Variants in OVCH1 observed in about 807,000 individuals in gnomAD.
The protein encoded by OVCH1 is ovochymase 1, also known as ovochymase-1.
OVCH1 carries 139 observed loss-of-function variants against 138.4 expected under a neutral mutation model. That is an observed-to-expected ratio of 1.00 (90% CI 0.87 to 1.16). OVCH1 has a LOEUF of 1.16. Among genes scored for constraint, OVCH1 ranks in the 50% most tolerant of loss-of-function variants. The probability of loss-of-function intolerance (pLI) is 0.00; values close to 1 mark genes in which losing one functional copy is unlikely to be tolerated. For synonymous variants in OVCH1, 453 were observed against 467.8 expected (o/e 0.97, Z 0.41); for missense variants, 1,367 against 1,357.9 (o/e 1.01, Z -0.11).
exon 26 of OVCH1, chr12:29,439,356 T>C (rs1399443766): frequency 6.3e-7 from 1 of 1,581,262 alleles, no homozygotes; most frequent in Non-Finnish European, 8.6e-7. Flanking sequence ...ATGCATGATA[T>C]ATGTGTTAAT....
In OVCH1 at chr12:29,438,803, C is replaced by T. The variant is rs548148910; in HGVS notation, c.3264+525G>A. On this transcript the variant is annotated intron_variant, in intron 26 of 27. Coordinates refer to ENST00000318184, the Ensembl canonical transcript of OVCH1. ...ATTTGTATCTATTTTTTCTCATTTACAGTAGAAAATCTTAATATATAATAC... is the reference window on the plus strand; with the variant it reads ...ATTTGTATCTATTTTTTCTCATTTATAGTAGAAAATCTTAATATATAATAC... Among the ~76,000 whole-genome samples, 31 of 152,180 alleles carry T rather than the reference C, an allele frequency of 2.0e-4. No individual in the cohort carries two copies. In the South Asian group the frequency reaches 5.0e-3, roughly 24 times the overall value.
At chr12:29,480,665 T>C (rs545775378) in intron 8 of OVCH1, among the ~76,000 whole-genome samples, 2 of 152,262 alleles carry the variant, frequency 1.3e-5, no homozygotes, top group Non-Finnish European at 2.9e-5. Flanking sequence ...CTCATGGATA[T>C]GAAAGGAAGG....
At chr12:29,455,436 A>C (rs1941920983) in intron 19 of OVCH1, 31 bp from the exon 20 acceptor site, 2 of 1,574,278 alleles carry the variant, frequency 1.3e-6, no homozygotes, top group Non-Finnish European at 1.7e-6. Context: ...GTTTTAGAAA[A>C]CTGCTTTAAT....
At chr12:29,477,076 G>A (rs1477618430) in intron 12 of OVCH1, 26 bp downstream of exon 12, 4 of 1,566,566 alleles carry the variant, frequency 2.6e-6, no homozygotes, top group Non-Finnish European at 2.6e-6. Flanking sequence ...TTCTTTATGA[G>A]GTAGAGCGAT....
In OVCH1 at chr12:29,464,707, A is replaced by G; in HGVS notation, c.1930-5T>C. On this transcript the variant is annotated splice_polypyrimidine_tract_variant and splice_region_variant and intron_variant, in intron 17 of 27. Transcript: ENST00000318184. Reference sequence around the variant, plus strand: ...TATGTGTTTGGCCCTTCTCACCTGTATCGGTGGCAAGTAAGCAAATTACAA... The same window carrying G: ...TATGTGTTTGGCCCTTCTCACCTGTGTCGGTGGCAAGTAAGCAAATTACAA... The G allele has an allele frequency of 3.7e-6, 6 of 1,603,654 alleles. No individual in the cohort carries two copies. Among genetic ancestry groups the G allele is most frequent in the Non-Finnish European group, 5.1e-6 (6 of 1,174,870 alleles).
At position 29,444,251 on chromosome 12, in the gene OVCH1, A is replaced by C. The variant is rs780365079; in HGVS notation, c.2911T>G (p.Ser971Ala). The change falls in exon 24 of 28, where the codon TCC (serine) becomes GCC (alanine). Residue 971 changes from serine to alanine, a missense_variant. Ser to Ala is a moderately conservative substitution (Grantham distance 99). Transcript: ENST00000318184. ...AAGTGCTCTCTGTTTGAACTTTGGG[A>C]AAGTCTGGTTATTTTACTGTCCTTT... 6.2e-7 allele frequency: 1 copy of C among 1,611,290 alleles called. No individual in the cohort carries two copies. The highest frequency in any genetic ancestry group is 2.2e-5 in the East Asian group (1 of 44,826).
intron 18 of OVCH1, 41 bp from the exon 19 acceptor site, chr12:29,462,049 A>C (rs1942155372): frequency 6.3e-7 from 1 of 1,588,462 alleles, no homozygotes; most frequent in East Asian, 2.2e-5. Flanking sequence ...TGATGAAGTA[A>C]GCAGAAAGTG....
downstream of OVCH1, among the ~76,000 whole-genome samples, chr12:29,411,391 G>A (rs1592018621): frequency 6.6e-6 from 1 of 151,670 alleles, no homozygotes; most frequent in Middle Eastern, 3.4e-3. Context: ...GCTTTTTAGA[G>A]TTTCCAGTTT....
At chr12:29,463,076 C>A (rs1396652332) in intron 18 of OVCH1, among the ~76,000 whole-genome samples, 1 of 152,140 alleles carries the variant, frequency 6.6e-6, no homozygotes, top group Non-Finnish European at 1.5e-5. Flanking sequence ...GGCTTTGAAG[C>A]TGGTAAGCCA....
intron 27 of OVCH1, among the ~76,000 whole-genome samples, chr12:29,432,817 G>A (rs1219192651): frequency 1.3e-5 from 2 of 152,106 alleles, no homozygotes; most frequent in African/African-American, 4.8e-5. Flanking sequence ...GGAGACCAGT[G>A]AGCTCTCCTT....
intron 16 of OVCH1, among the ~76,000 whole-genome samples, chr12:29,470,531 C>T (rs1388587883): frequency 6.6e-6 from 1 of 152,154 alleles, no homozygotes; most frequent in Non-Finnish European, 1.5e-5. Flanking sequence ...ATCCATGTCC[C>T]TGCAAAGGAG....
intron 3 of OVCH1, among the ~76,000 whole-genome samples, 156 bp from the exon 4 acceptor site, chr12:29,495,613 A>AT (rs373682686): frequency 1.1e-3 from 160 of 151,954 alleles, no homozygotes; most frequent in African/African-American, 3.5e-3. Flanking sequence ...CAATGGTCAT[A>AT]TTTTTTTTAA....
At chr12:29,491,245 A>G in intron 4 of OVCH1, 53 bp from the exon 5 acceptor site, 2 of 1,401,904 alleles carry the variant, frequency 1.4e-6, no homozygotes, top group East Asian at 2.3e-5. Flanking sequence ...CATGTTGAAT[A>G]TATTTGGAAA....
In OVCH1 at chr12:29,451,238, A is replaced by G. The variant is rs1286787887; in HGVS notation, c.2755+107T>C. 6.5e-6 allele frequency: 5 copies of G among 773,686 alleles called. No individual in the cohort carries two copies. The East Asian group carries it at 8.2e-5, about 13-fold the overall frequency. The allele number at this position is 773,686 out of a possible 1,614,324, so 47.9% of individuals were successfully genotyped here. A position where few individuals can be genotyped will look rare whatever the true frequency, so the allele number is the denominator to read the frequency against. ...GGGAAAAAGCATTCCTATTACATGG[A>G]TCAACATTTTGGTAACATTATTACC... On this transcript the variant is annotated intron_variant, in intron 22 of 27. Transcript: ENST00000318184.
At chr12:29,480,379 C>G (rs959643823) in intron 8 of OVCH1, among the ~76,000 whole-genome samples, 5 of 152,144 alleles carry the variant, frequency 3.3e-5, no homozygotes, top group Admixed American at 3.3e-4. Context: ...GTAGTTTAGG[C>G]TTTATGACTT....
chr12:29,407,779 T>C (rs1364012298), downstream of OVCH1, among the ~76,000 whole-genome samples: 2 of 151,540 alleles, frequency 1.3e-5, no homozygotes, highest in African/African-American at 4.8e-5. Flanking sequence ...AGGATTGACT[T>C]GGCTATGCGG....
At chr12:29,474,887 C>A (rs1307481490) in intron 14 of OVCH1, among the ~76,000 whole-genome samples, 174 bp downstream of exon 14, 1 of 152,128 alleles carries the variant, frequency 6.6e-6, no homozygotes, top group Non-Finnish European at 1.5e-5. Flanking sequence ...GATTCCTGGG[C>A]CCCATCCCAG....
At chr12:29,419,603 T>C (rs1941076556) in intron 3 of OVCH1, among the ~76,000 whole-genome samples, 1 of 152,042 alleles carries the variant, frequency 6.6e-6, no homozygotes, top group Admixed American at 6.6e-5. Flanking sequence ...CAACGAAATA[T>C]GATTTTTAAG....
chr12:29,454,487 G>A (rs1038535572), intron 21 of OVCH1, among the ~76,000 whole-genome samples: 6 of 152,120 alleles, frequency 3.9e-5, no homozygotes, highest in Non-Finnish European at 5.9e-5. Flanking sequence ...TAATGCTGGC[G>A]CTAGTCTTGG....
Sources: gnomAD v4.1 joint callset for allele counts (sites outside exome capture counted in the v4.1 genomes callset) on GRCh38, gnomAD v4.1.1 for gene constraint, MANE v1.5 for transcripts, NCBI Gene and HGNC (gene_info 2026-07-23, HGNC 2026-07-21) for gene names.